The following PTK2 variants were observed in gnomAD, a reference collection of about 807,000 sequenced individuals.
PTK2 encodes focal adhesion kinase 1.
Under a neutral mutation model 150.1 loss-of-function variants are expected in PTK2, and 45 were observed. The observed-to-expected ratio is 0.30, with a 90% confidence interval of 0.24 to 0.38. The LOEUF (loss-of-function observed/expected upper bound fraction) is 0.38, where lower values mean the gene tolerates loss of function less well. Ranked by LOEUF, PTK2 falls within the 10% of genes least tolerant of loss-of-function variation. The pLI is 1.00. For synonymous variants in PTK2, 432 were observed against 449.2 expected, an observed-to-expected ratio of 0.96 and a Z score of 0.48; for missense variants, 919 against 1,307.3, an observed-to-expected ratio of 0.70 and a Z score of 4.58.
At chr8:140,844,129 T>C (rs1481682122) in intron 7 of PTK2, among the ~76,000 whole-genome samples, 1 of 152,336 alleles carries the variant, frequency 6.6e-6, no homozygotes, top group East Asian at 1.9e-4. Context: ...GTTTTTATTA[T>C]GAGGAAGGCC....
chr8:140,984,971 C>G (rs1475542966), intron 1 of PTK2, among the ~76,000 whole-genome samples: 1 of 152,098 alleles, frequency 6.6e-6, no homozygotes, highest in Non-Finnish European at 1.5e-5. Context: ...TCCTCTGACC[C>G]TAACAACTGT....
At chr8:140,941,396 C>A (rs1190259634) in intron 1 of PTK2, among the ~76,000 whole-genome samples, 1 of 152,160 alleles carries the variant, frequency 6.6e-6, no homozygotes, top group Non-Finnish European at 1.5e-5. Context: ...GAGACAGTGT[C>A]TCAAGACACA....
chr8:140,746,910 T>TA (rs780969304), intron 17 of PTK2, 50 bp from the exon 21 acceptor site: 3 of 1,091,908 alleles, frequency 2.7e-6, no homozygotes, highest in Admixed American at 2.1e-5. Context: ...TTTTTTTTTT[T>TA]AGACGGAGTC....
intron 1 of PTK2, among the ~76,000 whole-genome samples, chr8:140,974,005 G>C (rs765124277): frequency 6.6e-6 from 1 of 152,110 alleles, no homozygotes; most frequent in South Asian, 2.1e-4. Context: ...ACTCTCTTAA[G>C]TTCTCTCTGC....
At chr8:140,890,382 A>C in intron 3 of PTK2, 161 bp downstream of exon 3, 1 of 583,068 alleles carries the variant, frequency 1.7e-6, no homozygotes, top group Non-Finnish European at 2.9e-6. Flanking sequence ...CTGGTCAGTC[A>C]CATATTAACT....
At chr8:140,662,920 T>G in intron 31 of PTK2, 1 of 410,214 alleles carries the variant, frequency 2.4e-6, no homozygotes, top group Non-Finnish European at 4.3e-6. Context: ...TCATGAAAGA[T>G]AAAAAAAGGC....
chr8:140,906,703 T>C (rs1300465783), intron 2 of PTK2, among the ~76,000 whole-genome samples: 1 of 152,048 alleles, frequency 6.6e-6, no homozygotes, highest in Non-Finnish European at 1.5e-5. Flanking sequence ...GGTTAAGGGG[T>C]ACAAAAATAT....
At chr8:140,834,963 C>A (rs2100117806) in intron 7 of PTK2, among the ~76,000 whole-genome samples, 1 of 152,212 alleles carries the variant, frequency 6.6e-6, no homozygotes, top group South Asian at 2.1e-4. Flanking sequence ...CACATTCCTG[C>A]ATGATGACTA....
At chr8:140,879,912 T>C (rs1406550219) in intron 3 of PTK2, among the ~76,000 whole-genome samples, 1 of 152,128 alleles carries the variant, frequency 6.6e-6, no homozygotes, top group Non-Finnish European at 1.5e-5. Context: ...CTTTCTTTAT[T>C]AACAAGGCAT....
intron 5 of PTK2, among the ~76,000 whole-genome samples, chr8:140,849,828 A>C (rs2100128052): frequency 6.6e-6 from 1 of 152,230 alleles, no homozygotes; most frequent in South Asian, 2.1e-4. Flanking sequence ...ACACGTATTA[A>C]AGTCAGGATT....
intron 22 of PTK2, among the ~76,000 whole-genome samples, chr8:140,723,360 C>T (rs959190702): frequency 4.3e-4 from 65 of 152,128 alleles, no homozygotes; most frequent in African/African-American, 1.5e-3. Flanking sequence ...CATTCTCATA[C>T]CCAAAATAGC....
chr8:140,873,983 C>A (rs548200892), intron 4 of PTK2, among the ~76,000 whole-genome samples: 22 of 152,224 alleles, frequency 1.4e-4, no homozygotes, highest in Non-Finnish European at 1.0e-4. Flanking sequence ...GCCAGAGATA[C>A]ATTCAACTAT....
At chr8:141,000,753 G>A (rs1589407063) in intron 1 of PTK2, 1 of 53,180 alleles carries the variant, frequency 1.9e-5, no homozygotes, top group African/African-American at 7.5e-5. Flanking sequence ...TGGCCTCCCC[G>A]CGCGCCCCCA....
chr8:140,899,495 T>C (rs556295287), intron 2 of PTK2, among the ~76,000 whole-genome samples: 18 of 152,284 alleles, frequency 1.2e-4, no homozygotes, highest in South Asian at 2.1e-4. Context: ...AATAAGCCAA[T>C]TGATGAATTT....
chr8:140,826,097 GA>G (rs1049073901), intron 8 of PTK2, among the ~76,000 whole-genome samples: 8 of 151,718 alleles, frequency 5.3e-5, no homozygotes, highest in Middle Eastern at 3.2e-3. Context: ...AATAGAAAGG[GA>G]AAAAAAATCA....
intron 8 of PTK2, among the ~76,000 whole-genome samples, chr8:140,824,478 A>G (rs1024181755): frequency 1.3e-5 from 2 of 152,182 alleles, no homozygotes; most frequent in African/African-American, 4.8e-5. Context: ...CAACTCTCTC[A>G]TTCTCCACCA....
intron 1 of PTK2, among the ~76,000 whole-genome samples, chr8:140,957,332 G>A (rs2100181537): frequency 6.6e-6 from 1 of 152,162 alleles, no homozygotes; most frequent in South Asian, 2.1e-4. Context: ...GGAAGCTGAG[G>A]TGGGAGGATC....
At chr8:140,802,501 T>A (rs973364292) in intron 11 of PTK2, among the ~76,000 whole-genome samples, 1 of 152,176 alleles carries the variant, frequency 6.6e-6, no homozygotes, top group African/African-American at 2.4e-5. Flanking sequence ...TGTTTACTAC[T>A]GAAAAAGGTT....
chr8:140,887,895 C>T (rs1354972452), intron 3 of PTK2, among the ~76,000 whole-genome samples: 1 of 152,122 alleles, frequency 6.6e-6, no homozygotes, highest in Non-Finnish European at 1.5e-5. Context: ...CATTCAAGTG[C>T]TCAACAACTG....
Sources: allele counts gnomAD v4.1 joint callset (sites outside exome capture counted in the v4.1 genomes callset), GRCh38; gene constraint gnomAD v4.1.1; transcripts MANE v1.5; gene names NCBI Gene and HGNC (gene_info 2026-07-23, HGNC 2026-07-21).